DCLK1: variants seen among roughly 807,000 people sequenced by gnomAD.
The protein encoded by DCLK1 is doublecortin like kinase 1, also known as serine/threonine-protein kinase DCLK1.
DCLK1 carries 16 observed loss-of-function variants against 86.2 expected under a neutral mutation model. That is an observed-to-expected ratio of 0.19 (90% CI 0.13 to 0.28). The LOEUF is 0.28. DCLK1 is among the 10% of genes least tolerant of loss of function. The pLI, the probability that DCLK1 is intolerant of heterozygous loss-of-function variation, is 1.00. For missense variants in DCLK1, 590 were observed against 940.2 expected, an observed-to-expected ratio of 0.63 and a Z score of 4.87; for synonymous variants, 369 against 370.5, an observed-to-expected ratio of 1.00 and a Z score of 0.05.
intron 4 of DCLK1, among the ~76,000 whole-genome samples, chr13:35,920,070 T>A (rs1875706374): frequency 6.6e-6 from 1 of 152,188 alleles, no homozygotes; most frequent in African/African-American, 2.4e-5. Context: ...CCATGTGTGA[T>A]CCTCGTGTTT....
chr13:35,889,406 A>G (rs192203327), intron 4 of DCLK1, among the ~76,000 whole-genome samples: 5 of 152,334 alleles, frequency 3.3e-5, no homozygotes, highest in Admixed American at 3.3e-4. Context: ...ACCCTAAATT[A>G]GGAGTTAGGG....
chr13:35,827,427 A>G (rs765104933), intron 10 of DCLK1, among the ~76,000 whole-genome samples: 1 of 152,180 alleles, frequency 6.6e-6, no homozygotes, highest in African/African-American at 2.4e-5. Flanking sequence ...AGACATAAAG[A>G]GGTAGACCCA....
chr13:35,795,153 G>A (rs2086783177), intron 15 of DCLK1, among the ~76,000 whole-genome samples: 1 of 152,218 alleles, frequency 6.6e-6, no homozygotes, highest in Non-Finnish European at 1.5e-5. Flanking sequence ...CTGACGTCAT[G>A]AGGGATATGG....
chr13:36,120,494 G>A (rs1350458112), intron 2 of DCLK1, among the ~76,000 whole-genome samples: 1 of 152,124 alleles, frequency 6.6e-6, no homozygotes, highest in East Asian at 1.9e-4. Flanking sequence ...CCTAGGTGTG[G>A]AGGAGGCTAC....
intron 2 of DCLK1, among the ~76,000 whole-genome samples, chr13:36,113,847 T>C (rs1419752679): frequency 2.6e-5 from 4 of 152,072 alleles, no homozygotes; most frequent in Admixed American, 6.5e-5. Flanking sequence ...AAAGAAAAAT[T>C]CAAAAACAAA....
intron 4 of DCLK1, among the ~76,000 whole-genome samples, chr13:35,892,271 C>G (rs984125872): frequency 4.6e-5 from 7 of 152,134 alleles, no homozygotes; most frequent in African/African-American, 1.7e-4. Context: ...AAATATAACA[C>G]AAAGAATAAA....
chr13:36,014,798 G>A lies in DCLK1; in HGVS notation c.724-67341C>T, dbSNP rs528151002. Among the ~76,000 whole-genome samples the A allele has an allele frequency of 1.3e-3, 192 of 152,280 alleles. 5 individuals are homozygous for A. Among genetic ancestry groups the A allele is most frequent in the Non-Finnish European group, 9.3e-4 (63 of 68,018 alleles). On this transcript the variant is annotated intron_variant, in intron 3 of 16. Transcript: ENST00000360631. ...GTGTATATTTAAAAAGAAAATAGAT[G>A]TTTAAACTTAAGCTATAGACTCATC... is the stretch of plus-strand genomic sequence containing the variant.
chr13:36,020,144 T>C lies in DCLK1; in HGVS notation c.724-72687A>G, dbSNP rs1280170206. Among the ~76,000 whole-genome samples, 4 of 152,196 alleles carry C rather than the reference T, an allele frequency of 2.6e-5. No homozygotes were observed. In the East Asian group the frequency reaches 7.7e-4, roughly 29 times the overall value. On this transcript the variant is annotated intron_variant, in intron 3 of 16. Transcript: ENST00000360631. The stretch of plus-strand genomic sequence containing the variant: ...GACACAGTGTGAGGCCCTCCCTAGA[T>C]GCAGATGCTGGTGCCATGCTTCTTG...
chr13:36,032,652 T>C (rs899965381), intron 3 of DCLK1, among the ~76,000 whole-genome samples: 1 of 152,146 alleles, frequency 6.6e-6, no homozygotes, highest in Admixed American at 6.5e-5. Flanking sequence ...GGACAGTCCA[T>C]TTTTGCAATG....
chr13:36,014,104 G>C (rs955072472), intron 3 of DCLK1, among the ~76,000 whole-genome samples: 3 of 152,178 alleles, frequency 2.0e-5, no homozygotes, highest in Non-Finnish European at 2.9e-5. Flanking sequence ...TGCGCCCACT[G>C]TCTGGCACTC....
At chr13:35,847,297 T>C in intron 6 of DCLK1, 4 of 985,258 alleles carry the variant, frequency 4.1e-6, no homozygotes, top group Non-Finnish European at 4.8e-6. Context: ...CCAACTAATA[T>C]GTCACAGAGT....
At chr13:35,970,885 G>A (rs1211654309) in intron 3 of DCLK1, among the ~76,000 whole-genome samples, 1 of 152,184 alleles carries the variant, frequency 6.6e-6, no homozygotes, top group African/African-American at 2.4e-5. Flanking sequence ...TGCCCTAAAT[G>A]TTAATCACCA....
intron 3 of DCLK1, among the ~76,000 whole-genome samples, chr13:35,978,203 CT>C (rs11311688): frequency 0.14 from 12,075 of 83,382 alleles, 154 homozygotes; most frequent in Middle Eastern, 0.2. Flanking sequence ...CTTTTCTTTT[CT>C]TTTTTTTTTT....
chr13:36,058,911 A>C (rs9531403), intron 3 of DCLK1, among the ~76,000 whole-genome samples: 9,178 of 152,294 alleles, frequency 0.06, 449 homozygotes, highest in African/African-American at 0.13. Flanking sequence ...CTCAGGAATA[A>C]GTTAGTAATG....
chr13:35,926,602 C>T (rs1876134406), intron 4 of DCLK1, among the ~76,000 whole-genome samples: 1 of 152,176 alleles, frequency 6.6e-6, no homozygotes. Flanking sequence ...AAATAGTTCA[C>T]ACTAAAGATC....
In DCLK1 at chr13:35,775,676, T is replaced by C. The variant is rs570445242; in HGVS notation, c.2059-977A>G. Among the ~76,000 whole-genome samples, 9 of 152,288 alleles carry C rather than the reference T, an allele frequency of 5.9e-5. No homozygotes were observed. In the South Asian group the frequency reaches 1.0e-3, roughly 18 times the overall value. The stretch of plus-strand genomic sequence containing the variant: ...GGCGTTCTTATTTGAAAATCCCCCT[T>C]AAAAAGGATGTAGCCTGGAGGTTAT... On this transcript the variant is annotated intron_variant, in intron 16 of 16. Coordinates refer to ENST00000360631, the MANE Select transcript of DCLK1 (RefSeq NM_001330071.2).
intron 3 of DCLK1, among the ~76,000 whole-genome samples, chr13:36,062,312 G>A (rs1883581420): frequency 6.6e-6 from 1 of 152,144 alleles, no homozygotes; most frequent in African/African-American, 2.4e-5. Flanking sequence ...CAAGCCTCCT[G>A]AAGGCCATAT....
intron 3 of DCLK1, among the ~76,000 whole-genome samples, chr13:36,034,092 C>T (rs1402911877): frequency 3.9e-5 from 6 of 152,048 alleles, no homozygotes; most frequent in Non-Finnish European, 8.8e-5. Context: ...TGGCCAGTAG[C>T]GAACTGGGTA....
At chr13:35,989,012 T>C (rs1437272700) in intron 3 of DCLK1, among the ~76,000 whole-genome samples, 5 of 152,244 alleles carry the variant, frequency 3.3e-5, no homozygotes, top group Admixed American at 6.5e-5. Context: ...CTGCAGGCCA[T>C]CTTCAGCAAT....
Sources: gnomAD v4.1 joint callset for allele counts (sites outside exome capture counted in the v4.1 genomes callset) on GRCh38, gnomAD v4.1.1 for gene constraint, MANE v1.5 for transcripts, NCBI Gene and HGNC (gene_info 2026-07-23, HGNC 2026-07-21) for gene names.